KDM1A: variants seen among roughly 807,000 people sequenced by gnomAD.
KDM1A encodes lysine demethylase 1A, also known as lysine-specific histone demethylase 1A.
Under a neutral mutation model 109.4 loss-of-function variants are expected in KDM1A, and 49 were observed. That is an observed-to-expected ratio of 0.45 (90% CI 0.36 to 0.57). The LOEUF is 0.57. KDM1A is among the 20% of genes least tolerant of loss of function. KDM1A has a pLI of 0.00. For synonymous variants in KDM1A, 380 were observed against 415.4 expected, an observed-to-expected ratio of 0.91 and a Z score of 1.04; for missense variants, 668 against 1,116.6, an observed-to-expected ratio of 0.60 and a Z score of 5.73.
intron 2 of KDM1A, among the ~76,000 whole-genome samples, chr1:23,034,455 T>A (rs1321090639): frequency 2.0e-5 from 3 of 152,208 alleles, no homozygotes; most frequent in African/African-American, 7.2e-5. Context: ...TTAGAATAAT[T>A]GTCCCCCAGT....
chr1:23,027,002 C>T (rs2124354464), intron 1 of KDM1A, among the ~76,000 whole-genome samples: 1 of 151,980 alleles, frequency 6.6e-6, no homozygotes, highest in Non-Finnish European at 1.5e-5. Flanking sequence ...ATGATTCTTT[C>T]AGATGGTTTT....
chr1:23,020,935 G>A (rs1641607471), intron 1 of KDM1A, among the ~76,000 whole-genome samples: 1 of 152,164 alleles, frequency 6.6e-6, no homozygotes, highest in Admixed American at 6.5e-5. Context: ...CTTTAGACTT[G>A]GGCCTTTTCT....
intron 16 of KDM1A, among the ~76,000 whole-genome samples, chr1:23,078,481 T>C (rs1643530146): frequency 6.6e-6 from 1 of 152,240 alleles, no homozygotes; most frequent in South Asian, 2.1e-4. Context: ...AACTCATTCA[T>C]ACTCTGACAA....
At chr1:23,024,437 G>C (rs1381501448) in intron 1 of KDM1A, among the ~76,000 whole-genome samples, 1 of 152,142 alleles carries the variant, frequency 6.6e-6, no homozygotes, top group Non-Finnish European at 1.5e-5. Flanking sequence ...AAAAGTGCAT[G>C]TATTTTATGA....
chr1:23,077,379 A>G lies in KDM1A; in HGVS notation c.1867+19A>G, dbSNP rs1443933895. On this transcript the variant is annotated intron_variant, in intron 16 of 20. Coordinates refer to ENST00000400181, the MANE Select transcript of KDM1A (RefSeq NM_001009999.3). ...GCTTCAGGTATGTCACTGCTTTACAAAAGGTAAGAGAGAACTCTCCTGAAA... is the reference window on the plus strand; with the variant it reads ...GCTTCAGGTATGTCACTGCTTTACAGAAGGTAAGAGAGAACTCTCCTGAAA... The G allele has an allele frequency of 4.4e-6, 7 of 1,606,724 alleles. No individual in the cohort carries two copies. The highest frequency in any genetic ancestry group is 6.0e-6 in the Non-Finnish European group (7 of 1,174,832).
In KDM1A at chr1:23,057,552, G is replaced by A; in HGVS notation, c.1059G>A (p.Val353=). 6.2e-7 allele frequency: 1 copy of A among 1,613,338 alleles called. No homozygotes were observed. The highest frequency in any genetic ancestry group is 8.5e-7 in the Non-Finnish European group (1 of 1,179,408). The stretch of plus-strand genomic sequence containing the variant: ...ATGTAGCTGATCTTGGAGCCATGGT[G>A]GTAACAGGTCTTGGTAAGTAGCTAT... The part of the protein sequence containing the change: ...GNYVADLGAM[V]VTGLGGNPMA... The change falls in exon 8 of 21, where the codon GTG becomes GTA. Residue 353 remains valine (V), a synonymous_variant. Coordinates refer to ENST00000400181, the MANE Select transcript of KDM1A (RefSeq NM_001009999.3).
At chr1:23,020,192 C>G (rs1255004308) in intron 1 of KDM1A, 2 of 402,820 alleles carry the variant, frequency 5.0e-6, no homozygotes, top group Non-Finnish European at 8.8e-6. Flanking sequence ...TCGATGATTG[C>G]TGGGAGGGGT....
chr1:23,028,449 T>TC (rs1641877684), intron 1 of KDM1A, among the ~76,000 whole-genome samples: 5 of 152,370 alleles, frequency 3.3e-5, no homozygotes, highest in Admixed American at 3.3e-4. Flanking sequence ...CAATGGAACA[T>TC]CCTTTGGGAA....
intron 3 of KDM1A, among the ~76,000 whole-genome samples, chr1:23,046,411 A>G (rs1454787421): frequency 6.6e-6 from 1 of 152,170 alleles, no homozygotes; most frequent in African/African-American, 2.4e-5. Context: ...TTTAATATGT[A>G]GATCACCTCA....
intron 2 of KDM1A, among the ~76,000 whole-genome samples, chr1:23,036,599 T>C (rs1642153459): frequency 6.6e-6 from 1 of 152,170 alleles, no homozygotes; most frequent in East Asian, 1.9e-4. Context: ...TATGTTCTTA[T>C]ATTTTGAGGC....
At chr1:23,052,418 G>A (rs1482155605) in intron 4 of KDM1A, among the ~76,000 whole-genome samples, 1 of 152,198 alleles carries the variant, frequency 6.6e-6, no homozygotes. Flanking sequence ...TGGCCACAGA[G>A]TAGAGTATCT....
intron 19 of KDM1A, 117 bp from the exon 20 acceptor site, chr1:23,082,103 C>A: frequency 9.4e-7 from 1 of 1,058,974 alleles, no homozygotes; most frequent in African/African-American, 1.6e-5. Flanking sequence ...CTGGCTCTCA[C>A]ATGTTGCCCC....
intron 4 of KDM1A, 138 bp from the exon 5 acceptor site, chr1:23,053,623 T>A: frequency 1.5e-6 from 1 of 647,248 alleles, no homozygotes. Flanking sequence ...TGGGCTCAAG[T>A]GATCCTTCCA....
intron 9 of KDM1A, among the ~76,000 whole-genome samples, chr1:23,063,254 G>GTT (rs1557570224): frequency 1.5e-5 from 2 of 130,528 alleles, no homozygotes; most frequent in Non-Finnish European, 3.2e-5. Context: ...GTGTGTGTGT[G>GTT]TACCAGCTGA....
At chr1:23,080,295 C>T (rs1291684397) in intron 18 of KDM1A, among the ~76,000 whole-genome samples, 3 of 152,146 alleles carry the variant, frequency 2.0e-5, no homozygotes, top group Admixed American at 2.0e-4. Context: ...AGAGGGGGAA[C>T]TTGGCTCCCT....
Position 23,019,966 on chromosome 1 carries a change from C to A in KDM1A, c.351+19C>A. 6.6e-7 allele frequency: 1 copy of A among 1,504,514 alleles called. No individual in the cohort carries two copies. Among genetic ancestry groups the A allele is most frequent in the Non-Finnish European group, 8.8e-7 (1 of 1,130,272 alleles). The allele number at this position is 1,504,514 out of a possible 1,614,324, so 93.2% of individuals were successfully genotyped here. A position where few individuals can be genotyped will look rare whatever the true frequency, so the allele number is the denominator to read the frequency against. On this transcript the variant is annotated intron_variant, in intron 1 of 20. Coordinates refer to ENST00000400181, the MANE Select transcript of KDM1A (RefSeq NM_001009999.3). ...GGCGAAGGTAAGGCTCGACCCTTCC[C>A]TCAAACGACACCGCCTGGTGCCGAG...
rs917558475 is a variant in KDM1A at position 23,083,309 on chromosome 1, C to T, written c.2576C>T (p.Thr859Met). 13 of 1,613,704 alleles carry T rather than the reference C, an allele frequency of 8.1e-6. No homozygotes were observed. The highest frequency in any genetic ancestry group is 2.7e-5 in the African/African-American group (2 of 74,794). ...IADQFLGAMY[T>M]LPRQATPGVP... Reference sequence around the variant, plus strand: ...GACCAGTTTTTGGGGGCCATGTATACGCTGCCTCGCCAGGCCACACCAGGT... The same window carrying T: ...GACCAGTTTTTGGGGGCCATGTATATGCTGCCTCGCCAGGCCACACCAGGT... Residue 859 changes from threonine to methionine, a missense_variant, in exon 21 of 21, where the codon ACG (threonine) becomes ATG (methionine). This residue lies in a region of KDM1A where 69 missense variants were observed against 99.6 expected (regional missense o/e 0.69). Transcript: ENST00000400181.
chr1:23,055,247 A>G, intron 6 of KDM1A, 86 bp downstream of exon 6: 1 of 641,022 alleles, frequency 1.6e-6, no homozygotes, highest in Non-Finnish European at 2.6e-6. Context: ...TGACGTTAGG[A>G]TTTTATTTTG....
intron 12 of KDM1A, among the ~76,000 whole-genome samples, chr1:23,070,191 G>T (rs1368095489): frequency 6.6e-6 from 1 of 152,196 alleles, no homozygotes; most frequent in African/African-American, 2.4e-5. Context: ...AGATTCTTTG[G>T]CCAGGCACAG....
Sources: gnomAD v4.1 joint callset for allele counts (sites outside exome capture counted in the v4.1 genomes callset) on GRCh38, gnomAD v4.1.1 for gene constraint, gnomAD v4.1.1 regional missense constraint, MANE v1.5 for transcripts, NCBI Gene and HGNC (gene_info 2026-07-23, HGNC 2026-07-21) for gene names.